Variants in HMBOX1 observed in about 807,000 individuals in gnomAD.
HMBOX1 encodes homeobox containing 1, also known as homeobox-containing protein 1.
In HMBOX1, 14 loss-of-function variants were observed where a neutral mutation model predicts 54.5. The observed-to-expected ratio is 0.26, with a 90% confidence interval of 0.17 to 0.40. The LOEUF is 0.40. Ranked by LOEUF, HMBOX1 falls within the 10% of genes least tolerant of loss-of-function variation. The probability of loss-of-function intolerance (pLI) is 1.00; values close to 1 mark genes in which losing one functional copy is unlikely to be tolerated. For missense variants in HMBOX1, 332 were observed against 514.4 expected (o/e 0.65, Z 3.43); for synonymous variants, 160 against 181.0 (o/e 0.88, Z 0.93).
intron 8 of HMBOX1, among the ~76,000 whole-genome samples, chr8:29,047,914 T>C (rs1805838188): frequency 6.6e-6 from 1 of 152,206 alleles, no homozygotes; most frequent in African/African-American, 2.4e-5. Context: ...TTCATTGTGT[T>C]TTTAATAAAC....
At chr8:28,912,481 C>T (rs911955449) in intron 1 of HMBOX1, among the ~76,000 whole-genome samples, 8 of 152,206 alleles carry the variant, frequency 5.3e-5, no homozygotes, top group African/African-American at 1.9e-4. Context: ...TTGATGAACT[C>T]TTCAATCCAC....
Position 28,970,456 on chromosome 8 carries a change from C to T in HMBOX1, c.437C>T (p.Ser146Leu). The T allele has an allele frequency of 6.2e-7, 1 of 1,613,778 alleles. No individual in the cohort carries two copies. The highest frequency in any genetic ancestry group is 2.2e-5 in the East Asian group (1 of 44,882). ...CATGCAAACAGCATGGGTCAGAGGTCATACAGTTTTGAAGCCTCAGAAGAG... is the reference window on the plus strand; with the variant it reads ...CATGCAAACAGCATGGGTCAGAGGTTATACAGTTTTGAAGCCTCAGAAGAG... The part of the protein sequence containing the change: ...RYHANSMGQR[S>L]YSFEASEEDL... The change falls in exon 3 of 10, where the codon TCA (serine) becomes TTA (leucine). Residue 146 changes from serine (S) to leucine (L), a missense_variant. This residue lies in a region of HMBOX1 where 117 missense variants were observed against 220.0 expected (regional missense o/e 0.53). Coordinates refer to ENST00000287701, the MANE Select transcript of HMBOX1 (RefSeq NM_001135726.3). The surrounding 1 kb of genome is among the most constrained non-coding windows in gnomAD (Gnocchi z 4.3).
Position 29,051,631 on chromosome 8 carries a change from A to G in HMBOX1, c.*476A>G. On this transcript the variant is annotated 3_prime_UTR_variant, in exon 10 of 10. Coordinates refer to ENST00000287701, the MANE Select transcript of HMBOX1 (RefSeq NM_001135726.3). ...GGAGTATCCACAGAGTCAAAGGAAC[A>G]CTAGAATCCCCACCTCAGCGTGAGG... is the stretch of plus-strand genomic sequence containing the variant. 1 of 702,882 alleles carries G rather than the reference A, an allele frequency of 1.4e-6. No individual in the cohort carries two copies. Among genetic ancestry groups the G allele is most frequent in the South Asian group, 1.5e-5 (1 of 67,600 alleles). The allele number at this position is 702,882 out of a possible 1,614,324, so 43.5% of individuals were successfully genotyped here. A position where few individuals can be genotyped will look rare whatever the true frequency, so the allele number is the denominator to read the frequency against.
intron 1 of HMBOX1, among the ~76,000 whole-genome samples, chr8:28,955,395 T>A (rs1824237809): frequency 6.6e-6 from 1 of 152,220 alleles, no homozygotes; most frequent in Admixed American, 6.5e-5. Context: ...TGTGCATATG[T>A]ATGTCTGCCT....
chr8:28,924,181 A>T (rs572563578), intron 1 of HMBOX1, among the ~76,000 whole-genome samples: 2 of 149,264 alleles, frequency 1.3e-5, no homozygotes, highest in African/African-American at 5.0e-5. Context: ...ATCTTGGCTC[A>T]CTGCAAGCTC....
At chr8:29,014,436 G>A (rs1036628418) in intron 5 of HMBOX1, among the ~76,000 whole-genome samples, 7 of 151,974 alleles carry the variant, frequency 4.6e-5, no homozygotes, top group African/African-American at 1.7e-4. Context: ...TTTTGAACTC[G>A]CTCTTGCTTT....
chr8:28,992,779 A>C (rs1007328655), intron 4 of HMBOX1, among the ~76,000 whole-genome samples: 2 of 146,208 alleles, frequency 1.4e-5, no homozygotes, highest in African/African-American at 5.0e-5. Flanking sequence ...CTGAGGCAGG[A>C]GAATCGTGTG....
intron 3 of HMBOX1, among the ~76,000 whole-genome samples, chr8:28,977,662 C>T (rs1378970304): frequency 1.3e-5 from 2 of 151,998 alleles, no homozygotes; most frequent in Non-Finnish European, 2.9e-5. Context: ...TATTTCAGGC[C>T]GGGCGCGGTG....
intron 1 of HMBOX1, among the ~76,000 whole-genome samples, chr8:28,897,616 C>A (rs1429778365): frequency 6.6e-6 from 1 of 152,178 alleles, no homozygotes; most frequent in Non-Finnish European, 1.5e-5. Flanking sequence ...GCGGAGGTTG[C>A]AGTGAGCCAA....
At position 28,893,678 on chromosome 8, in the gene HMBOX1, C is replaced by T. The variant is rs1247039273; in HGVS notation, c.-58+3000C>T. Among the ~76,000 whole-genome samples, 6 of 152,122 alleles carry T rather than the reference C, an allele frequency of 3.9e-5. No individual in the cohort carries two copies. In the East Asian group the frequency reaches 1.2e-3, roughly 29 times the overall value. ...TCCTAAGTTACAAAATATGTGGCAACAAATCTGTCATTGTTACATCATTTA... is the reference window on the plus strand; with the variant it reads ...TCCTAAGTTACAAAATATGTGGCAATAAATCTGTCATTGTTACATCATTTA... On this transcript the variant is annotated intron_variant, in intron 1 of 9. Transcript: ENST00000287701.
At chr8:28,910,291 T>C (rs1815168690) in intron 1 of HMBOX1, among the ~76,000 whole-genome samples, 1 of 152,244 alleles carries the variant, frequency 6.6e-6, no homozygotes, top group Non-Finnish European at 1.5e-5. Flanking sequence ...TGTTTTAAAA[T>C]ACCACATTTT....
At position 29,040,705 on chromosome 8, in the gene HMBOX1, C is replaced by T. The variant is rs555481474; in HGVS notation, c.852-4656C>T. ...AGAGAAGAAAGGATTAATTAGTTAC[C>T]AGGCTTAGAGATTTAAAACCATATT... On this transcript the variant is annotated intron_variant, in intron 6 of 9. Transcript: ENST00000287701. Among the ~76,000 whole-genome samples, 28 of 152,112 alleles carry T rather than the reference C, an allele frequency of 1.8e-4. No homozygotes were observed. In the South Asian group the frequency reaches 2.9e-3, roughly 16 times the overall value.
chr8:28,923,147 A>T (rs1817829984), intron 1 of HMBOX1, among the ~76,000 whole-genome samples: 1 of 152,232 alleles, frequency 6.6e-6, no homozygotes, highest in South Asian at 2.1e-4. Context: ...TCAGTTTAGA[A>T]GGAAATTATA....
chr8:29,037,608 A>T (rs1804115468), intron 6 of HMBOX1, among the ~76,000 whole-genome samples: 1 of 152,212 alleles, frequency 6.6e-6, no homozygotes, highest in Non-Finnish European at 1.5e-5. Context: ...TAAACAAAAG[A>T]TGGTTATGCC....
intron 1 of HMBOX1, chr8:28,891,701 A>T (rs1043666423): frequency 6.6e-6 from 1 of 152,256 alleles, no homozygotes; most frequent in African/African-American, 2.4e-5. Flanking sequence ...GTGCGCCGAA[A>T]GGCGCTGCTT....
intron 1 of HMBOX1, among the ~76,000 whole-genome samples, chr8:28,960,309 T>C (rs1825231694): frequency 6.6e-6 from 1 of 152,016 alleles, no homozygotes; most frequent in Non-Finnish European, 1.5e-5. Context: ...ATAATTTCTT[T>C]TGTGGTTTCT....
At chr8:28,949,170 G>A (rs1038342746) in intron 1 of HMBOX1, among the ~76,000 whole-genome samples, 9 of 152,166 alleles carry the variant, frequency 5.9e-5, no homozygotes, top group African/African-American at 1.9e-4. Context: ...AATTATTTAT[G>A]ATGATGATAG....
intron 1 of HMBOX1, among the ~76,000 whole-genome samples, chr8:28,956,662 C>T (rs956679135): frequency 2.6e-5 from 4 of 152,098 alleles, no homozygotes; most frequent in Non-Finnish European, 5.9e-5. Context: ...TTCTGTCCTG[C>T]TCATTTGTGT....
intron 3 of HMBOX1, among the ~76,000 whole-genome samples, chr8:28,971,979 A>G (rs1313959990): frequency 6.6e-6 from 1 of 152,258 alleles, no homozygotes; most frequent in Non-Finnish European, 1.5e-5. Flanking sequence ...TTCAAGATGG[A>G]ATAATAGTGA....
Sources: gnomAD v4.1 joint callset for allele counts (sites outside exome capture counted in the v4.1 genomes callset) on GRCh38, gnomAD v4.1.1 for gene constraint, gnomAD v4.1.1 regional missense constraint, Gnocchi (gnomAD v3.1) non-coding constraint, MANE v1.5 for transcripts, NCBI Gene and HGNC (gene_info 2026-07-23, HGNC 2026-07-21) for gene names.